EXD1: variants seen among roughly 807,000 people sequenced by gnomAD.
EXD1 encodes the protein piRNA biogenesis protein EXD1.
Under a neutral mutation model 49.1 loss-of-function variants are expected in EXD1, and 63 were observed. The observed-to-expected ratio is 1.28, with a 90% CI of 1.05 to 1.58. The LOEUF (loss-of-function observed/expected upper bound fraction) is 1.58. Among genes scored for constraint, EXD1 ranks in the 40% most tolerant of loss-of-function variants. The pLI is 0.00. For synonymous variants in EXD1, 234 were observed against 239.2 expected (o/e 0.98, Z 0.20); for missense variants, 748 against 666.0 (o/e 1.12, Z -1.36).
chr15:41,183,120 T>C lies in EXD1; in HGVS notation c.*811A>G, dbSNP rs1198124838. 1 of 152,150 alleles carries C rather than the reference T, an allele frequency of 6.6e-6. No individual in the cohort carries two copies. Among genetic ancestry groups the C allele is most frequent in the African/African-American group, 2.4e-5 (1 of 41,426 alleles). 9.4% of individuals were successfully genotyped at this position (152,150 alleles called of 1,614,324 possible). Reference sequence around the variant, plus strand: ...GCCTGGCCAACATGGTGAAACCCCATCTCTACTAAAAATACAAAAATTAGC... The same window carrying C: ...GCCTGGCCAACATGGTGAAACCCCACCTCTACTAAAAATACAAAAATTAGC... On this transcript the variant is annotated 3_prime_UTR_variant, in exon 12 of 12. Coordinates refer to ENST00000458580, the MANE Select transcript of EXD1 (RefSeq NM_001286441.2).
intron 9 of EXD1, among the ~76,000 whole-genome samples, chr15:41,193,839 T>C (rs1595430042): frequency 6.6e-6 from 1 of 151,868 alleles, no homozygotes; most frequent in Non-Finnish European, 1.5e-5. Flanking sequence ...TTTATCTATA[T>C]GTGGTAGGCT....
Position 41,184,455 on chromosome 15 carries a change from C to G in EXD1, c.1195G>C (p.Val399Leu). Residue 399 changes from valine to leucine, a missense_variant, in exon 12 of 12, where the codon GTG becomes CTG. Transcript: ENST00000458580. ...IRTVLQPKKL[V>L]TETAGKEEKV... ...TCCTCTTTCCCTGCTGTCTCTGTCA[C>G]TAATTTCTTTGGCTGTAGCACTGTC... The G allele has an allele frequency of 6.2e-7, 1 of 1,614,130 alleles. No individual in the cohort carries two copies. The highest frequency in any genetic ancestry group is 8.5e-7 in the Non-Finnish European group (1 of 1,180,034).
intron 1 of EXD1, among the ~76,000 whole-genome samples, chr15:41,227,219 C>T (rs1440531882): frequency 6.6e-6 from 1 of 152,194 alleles, no homozygotes; most frequent in East Asian, 1.9e-4. Flanking sequence ...TTTCTTTCAA[C>T]TTGTGTTTAA....
In EXD1 at chr15:41,183,907, G is replaced by C; in HGVS notation, c.*24C>G. The C allele has an allele frequency of 1.3e-6, 2 of 1,548,462 alleles. No homozygotes were observed. Among genetic ancestry groups the C allele is most frequent in the South Asian group, 2.5e-5 (2 of 79,136 alleles). The stretch of plus-strand genomic sequence containing the variant: ...GCAAAGGAAATAAGCCATCTGTATG[G>C]CCTTAAGAACAAACTGCCCATCTCT... On this transcript the variant is annotated 3_prime_UTR_variant, in exon 12 of 12. Coordinates refer to ENST00000458580, the MANE Select transcript of EXD1 (RefSeq NM_001286441.2).
chr15:41,198,700 T>TTAA (rs2046655533), intron 7 of EXD1, among the ~76,000 whole-genome samples: 2 of 149,286 alleles, frequency 1.3e-5, no homozygotes, highest in African/African-American at 5.0e-5. Context: ...ATTTTTTAAT[T>TTAA]AAAAAAAATT....
chr15:41,184,504 C>T lies in EXD1; in HGVS notation c.1146G>A (p.Val382=), dbSNP rs1003762823. 4.3e-6 allele frequency: 7 copies of T among 1,614,026 alleles called. No homozygotes were observed. In the African/African-American group the frequency reaches 6.7e-5, roughly 15 times the overall value. The part of the protein sequence containing the change: ...RREKAAREYR[V]NAQGLLIRTV... ...TCCTTATCAGGAGTCCCTGTGCATT[C>T]ACCCTATATTCTCTTGCAGCTTTCT... The change falls in exon 12 of 12, where the codon GTG becomes GTA. Residue 382 remains valine (V), a synonymous_variant. Transcript: ENST00000458580.
intron 7 of EXD1, among the ~76,000 whole-genome samples, chr15:41,200,094 T>G (rs1025446402): frequency 6.6e-6 from 1 of 151,638 alleles, no homozygotes; most frequent in African/African-American, 2.4e-5. Flanking sequence ...TGTTTAGAGA[T>G]AGGGTTTGTT....
At chr15:41,225,501 C>T (rs759122370) in intron 2 of EXD1, among the ~76,000 whole-genome samples, 1 of 151,040 alleles carries the variant, frequency 6.6e-6, no homozygotes, top group African/African-American at 2.4e-5. Context: ...AGGAGACTTG[C>T]TTGAACCTGG....
intron 3 of EXD1, among the ~76,000 whole-genome samples, chr15:41,219,066 AG>A (rs200024429): frequency 0.012 from 1,848 of 152,232 alleles, 16 homozygotes; most frequent in Middle Eastern, 0.017. Context: ...TCCTCCTTAA[AG>A]GGCAGAAGCA....
chr15:41,218,011 C>T (rs1053957354), intron 3 of EXD1, among the ~76,000 whole-genome samples: 41 of 152,166 alleles, frequency 2.7e-4, no homozygotes, highest in Non-Finnish European at 5.9e-5. Flanking sequence ...GGGGACAACT[C>T]CTCCATGGTT....
chr15:41,221,990 C>T (rs763329382), intron 2 of EXD1, among the ~76,000 whole-genome samples: 3 of 151,270 alleles, frequency 2.0e-5, no homozygotes, highest in African/African-American at 4.9e-5. Context: ...ATCCCAACTA[C>T]GTGGGAGGCT....
intron 9 of EXD1, among the ~76,000 whole-genome samples, chr15:41,193,010 T>A (rs554494944): frequency 6.6e-4 from 100 of 151,836 alleles, no homozygotes; most frequent in Non-Finnish European, 1.3e-3. Flanking sequence ...GCTCTCGATC[T>A]CCTGACCTTG....
intron 7 of EXD1, among the ~76,000 whole-genome samples, chr15:41,199,849 A>T (rs972567446): frequency 6.9e-6 from 1 of 144,134 alleles, no homozygotes; most frequent in African/African-American, 2.5e-5. Context: ...TATATATAAT[A>T]TGTCATATAT....
At chr15:41,200,907 C>T (rs565432063) in intron 7 of EXD1, among the ~76,000 whole-genome samples, 1 of 151,184 alleles carries the variant, frequency 6.6e-6, no homozygotes, top group African/African-American at 2.4e-5. Context: ...TGGAGTCTTG[C>T]TCTGTCGCCA....
At chr15:41,208,368 T>TG (rs1297028296) in intron 7 of EXD1, among the ~76,000 whole-genome samples, 12 of 80,878 alleles carry the variant, frequency 1.5e-4, no homozygotes, top group Non-Finnish European at 2.1e-4. Context: ...AACTCATCTC[T>TG]GAAAAAAAAA....
intron 9 of EXD1, chr15:41,192,209 C>T (rs2046531711): frequency 6.6e-6 from 1 of 152,546 alleles, no homozygotes; most frequent in Admixed American, 6.6e-5. Context: ...TCAAGCAATC[C>T]TCCCACTACA....
At chr15:41,216,887 G>A in intron 4 of EXD1, 92 bp from the exon 5 acceptor site, 31 of 1,540,794 alleles carry the variant, frequency 2.0e-5, no homozygotes, top group Non-Finnish European at 2.5e-5. Flanking sequence ...TAAGGACAGT[G>A]GTCCTTCATT....
At chr15:41,213,754 T>C (rs981590566) in intron 6 of EXD1, among the ~76,000 whole-genome samples, 2 of 152,084 alleles carry the variant, frequency 1.3e-5, no homozygotes, top group African/African-American at 4.8e-5. Flanking sequence ...TTAGGAGTGA[T>C]GGATAAGGGG....
chr15:41,206,821 C>T (rs2046831995), intron 7 of EXD1, among the ~76,000 whole-genome samples: 1 of 146,594 alleles, frequency 6.8e-6, no homozygotes, highest in Non-Finnish European at 1.5e-5. Context: ...GGGGTTTCAC[C>T]ACGTTGGCCA....
Sources: allele counts gnomAD v4.1 joint callset (sites outside exome capture counted in the v4.1 genomes callset), GRCh38; gene constraint gnomAD v4.1.1; transcripts MANE v1.5; gene names NCBI Gene and HGNC (gene_info 2026-07-23, HGNC 2026-07-21).